The following KIF14 variants were observed in gnomAD, a reference collection of about 807,000 sequenced individuals.
The protein encoded by KIF14 is kinesin-like protein KIF14.
A neutral mutation model predicts 176.2 loss-of-function variants in KIF14; 98 were observed. The ratio of observed to expected loss-of-function variants is 0.56; its 90% CI spans 0.47 to 0.66. The LOEUF is 0.66. Among genes scored for constraint, KIF14 ranks in the 30% least tolerant of loss-of-function variants. The pLI is 0.00. For synonymous variants in KIF14, 566 were observed against 632.2 expected (o/e 0.90, Z 1.57); for missense variants, 1,751 against 1,920.4 (o/e 0.91, Z 1.65).
chr1:200,592,958 T>C (rs1370950994), intron 15 of KIF14, among the ~76,000 whole-genome samples: 5 of 152,208 alleles, frequency 3.3e-5, no homozygotes, highest in Non-Finnish European at 7.3e-5. Flanking sequence ...ATTATAATCT[T>C]ATGGGACCAC....
intron 23 of KIF14, among the ~76,000 whole-genome samples, chr1:200,568,980 C>T (rs1657627580): frequency 7.2e-6 from 1 of 138,796 alleles, no homozygotes; most frequent in Non-Finnish European, 1.5e-5. Context: ...GGTTGGAGTG[C>T]AATGGTGCTA....
intron 11 of KIF14, 30 bp from the exon 12 acceptor site, chr1:200,600,533 A>T (rs1659574865): frequency 6.8e-7 from 1 of 1,470,668 alleles, no homozygotes; most frequent in Non-Finnish European, 9.5e-7. Context: ...TGCATTAATA[A>T]TAACATTTAA....
Position 200,618,417 on chromosome 1 carries a change from G to A in KIF14, c.307C>T (p.Leu103Phe), listed in dbSNP as rs1310747712. The change falls in exon 2 of 30, where the codon CTT becomes TTT. Residue 103 changes from leucine (L) to phenylalanine (F), a missense_variant. Leu to Phe is a conservative substitution (Grantham distance 22). Coordinates refer to ENST00000367350, the MANE Select transcript of KIF14 (RefSeq NM_014875.3). ...GTTGTGTCTTCCAACTCACTAACAA[G>A]CAAAGATGATTCTTTGTTCCTTGTA... ...RTTRNKESSLLVSELEDTTEK... is the reference protein window; with the variant it reads ...RTTRNKESSLFVSELEDTTEK... 1 of 1,614,084 alleles carries A rather than the reference G, an allele frequency of 6.2e-7. No individual in the cohort carries two copies. The highest frequency in any genetic ancestry group is 1.7e-5 in the Admixed American group (1 of 60,010).
intron 17 of KIF14, among the ~76,000 whole-genome samples, chr1:200,589,677 T>TC (rs1161338643): frequency 7.4e-6 from 1 of 134,878 alleles, no homozygotes; most frequent in African/African-American, 2.8e-5. Flanking sequence ...TTTTCTTTTT[T>TC]TTTTTTTTTT....
In KIF14 at chr1:200,620,393, GC is replaced by G. The variant is rs1456258536; in HGVS notation, c.-116+17del. 2.0e-5 allele frequency: 3 copies of G among 151,628 alleles called. No homozygotes were observed. The highest frequency in any genetic ancestry group is 2.9e-5 in the Non-Finnish European group (2 of 68,054). 9.4% of individuals were successfully genotyped at this position (151,628 alleles called of 1,614,324 possible). On this transcript the variant is annotated intron_variant, in intron 1 of 29. Coordinates refer to ENST00000367350, the MANE Select transcript of KIF14 (RefSeq NM_014875.3). ...CTTTCTCTGCTAGTCATTACCAGGG[GC>G]TATGACTAAGAATTACCTCTTAATG...
At chr1:200,600,871 T>A (rs1369953466) in intron 11 of KIF14, among the ~76,000 whole-genome samples, 2 of 152,192 alleles carry the variant, frequency 1.3e-5, no homozygotes, top group Non-Finnish European at 2.9e-5. Flanking sequence ...ATCAAAGATT[T>A]TTCAAGCTGG....
chr1:200,601,623 A>C (rs930324012), intron 11 of KIF14, among the ~76,000 whole-genome samples: 1 of 152,214 alleles, frequency 6.6e-6, no homozygotes, highest in Non-Finnish European at 1.5e-5. Flanking sequence ...GCACACGTCT[A>C]TGACTGTGTA....
chr1:200,583,242 G>A (rs1658556556), intron 19 of KIF14, among the ~76,000 whole-genome samples: 1 of 152,012 alleles, frequency 6.6e-6, no homozygotes, highest in African/African-American at 2.4e-5. Context: ...AAAAAAGGAT[G>A]AAACAATCCA....
rs757437011 is a variant in KIF14 at position 200,552,018 on chromosome 1, T to A, written c.*1370A>T. The A allele has an allele frequency of 3.3e-5, 5 of 152,230 alleles. No individual in the cohort carries two copies. Among genetic ancestry groups the A allele is most frequent in the Admixed American group, 6.5e-5 (1 of 15,280 alleles). 9.4% of individuals were successfully genotyped at this position (152,230 alleles called of 1,614,324 possible). ...CTGCAATGACTGTATTTACTTACAATCTCTTCCTAACAAGGAAACTATCAG... is the reference window on the plus strand; with the variant it reads ...CTGCAATGACTGTATTTACTTACAAACTCTTCCTAACAAGGAAACTATCAG... On this transcript the variant is annotated 3_prime_UTR_variant, in exon 30 of 30. Transcript: ENST00000367350.
At chr1:200,605,533 T>C (rs16846979) in intron 7 of KIF14, 143 bp from the exon 8 acceptor site, 2 of 546,506 alleles carry the variant, frequency 3.7e-6, no homozygotes, top group Non-Finnish European at 3.2e-6. Context: ...AGATAACATA[T>C]ACACATTTGT....
chr1:200,571,821 A>C (rs931498595), intron 22 of KIF14, among the ~76,000 whole-genome samples: 1 of 152,220 alleles, frequency 6.6e-6, no homozygotes, highest in Non-Finnish European at 1.5e-5. Flanking sequence ...CTAGGAAAAC[A>C]GTTATTCTTG....
chr1:200,612,484 G>A (rs1327374617), intron 4 of KIF14, among the ~76,000 whole-genome samples: 1 of 152,082 alleles, frequency 6.6e-6, no homozygotes, highest in African/African-American at 2.4e-5. Flanking sequence ...AGCCAATAGA[G>A]AACTCTGCCC....
At position 200,579,501 on chromosome 1, in the gene KIF14, C is replaced by G. The variant is rs924287530; in HGVS notation, c.3465+753G>C. ...GCAGGCACCTGTAATCCCAGCTATT[C>G]AGGAGGCTGAGGCAAGAGAATCGCT... On this transcript the variant is annotated intron_variant, in intron 21 of 29. Transcript: ENST00000367350. 2.6e-5 allele frequency among the ~76,000 whole-genome samples: 4 copies of G among 151,968 alleles called. No individual in the cohort carries two copies. The East Asian group carries it at 7.7e-4, about 29-fold the overall frequency.
chr1:200,595,356 T>C (rs982226308), intron 14 of KIF14, among the ~76,000 whole-genome samples: 3 of 152,234 alleles, frequency 2.0e-5, no homozygotes, highest in South Asian at 4.1e-4. Flanking sequence ...AGTTCTTTTA[T>C]TCATTAAGCC....
chr1:200,620,292 T>C (rs1472034914), intron 1 of KIF14, 119 bp downstream of exon 1: 2 of 152,244 alleles, frequency 1.3e-5, no homozygotes, highest in Non-Finnish European at 2.9e-5. Context: ...AGTTTCGCCA[T>C]CAGATTTTAA....
chr1:200,571,943 T>C (rs1415107899), intron 22 of KIF14, among the ~76,000 whole-genome samples: 1 of 152,218 alleles, frequency 6.6e-6, no homozygotes, highest in Admixed American at 6.5e-5. Context: ...TTGTCAACAG[T>C]ATGTATCAAA....
At chr1:200,583,397 T>C (rs1023176847) in intron 19 of KIF14, among the ~76,000 whole-genome samples, 1 of 152,068 alleles carries the variant, frequency 6.6e-6, no homozygotes, top group Non-Finnish European at 1.5e-5. Flanking sequence ...CACAGTGAAG[T>C]GTGTACACCT....
chr1:200,556,579 C>T (rs1447403025), intron 27 of KIF14, among the ~76,000 whole-genome samples: 3 of 152,162 alleles, frequency 2.0e-5, no homozygotes, highest in Non-Finnish European at 4.4e-5. Context: ...ACAGGATGGG[C>T]CTGGCCCTTT....
chr1:200,599,637 C>T (rs751689337), intron 13 of KIF14, among the ~76,000 whole-genome samples: 5 of 152,208 alleles, frequency 3.3e-5, no homozygotes, highest in Non-Finnish European at 5.9e-5. Context: ...ATGGCAATTG[C>T]TTATGGCTCA....
Sources: gnomAD v4.1 joint callset for allele counts (sites outside exome capture counted in the v4.1 genomes callset) on GRCh38, gnomAD v4.1.1 for gene constraint, MANE v1.5 for transcripts, NCBI Gene and HGNC (gene_info 2026-07-23, HGNC 2026-07-21) for gene names.